The following TMTC2 variants were observed in gnomAD, a reference collection of about 807,000 sequenced individuals.
The protein encoded by TMTC2 is protein O-mannosyl-transferase TMTC2.
In TMTC2, 43 loss-of-function variants were observed where a neutral mutation model predicts 82.4. The observed-to-expected ratio is 0.52, with a 90% CI of 0.41 to 0.67. The LOEUF (loss-of-function observed/expected upper bound fraction) is 0.67. Among genes scored for constraint, TMTC2 ranks in the 30% least tolerant of loss-of-function variants. TMTC2 has a pLI of 0.00. For missense variants in TMTC2, 919 were observed against 1,012.4 expected (o/e 0.91, Z 1.25); for synonymous variants, 408 against 381.9 (o/e 1.07, Z -0.80).
intron 11 of TMTC2, among the ~76,000 whole-genome samples, chr12:83,118,946 C>T (rs1057017739): frequency 1.3e-5 from 2 of 152,016 alleles, no homozygotes; most frequent in East Asian, 1.9e-4. Context: ...TGTACATAAA[C>T]GTGTTCATAG....
At chr12:83,025,903 A>C (rs1272633603) in intron 8 of TMTC2, among the ~76,000 whole-genome samples, 1 of 152,324 alleles carries the variant, frequency 6.6e-6, no homozygotes. Context: ...CAGCATAGGA[A>C]CTTCTGCCCT....
chr12:82,747,104 A>G (rs921964614), intron 1 of TMTC2, among the ~76,000 whole-genome samples: 14 of 152,204 alleles, frequency 9.2e-5, no homozygotes, highest in Non-Finnish European at 4.4e-5. Flanking sequence ...ACTGTGAGCC[A>G]GTGAGTTTGT....
chr12:82,874,088 G>A (rs1376897549), intron 2 of TMTC2, among the ~76,000 whole-genome samples: 6 of 152,146 alleles, frequency 3.9e-5, no homozygotes, highest in East Asian at 1.9e-4. Context: ...GCACCTTTGC[G>A]TCCAGCTGGT....
intron 1 of TMTC2, among the ~76,000 whole-genome samples, chr12:82,781,372 G>T (rs1877894927): frequency 6.8e-6 from 1 of 146,336 alleles, no homozygotes; most frequent in Admixed American, 6.8e-5. Flanking sequence ...TGTCACGTTT[G>T]AATAGAGTAT....
chr12:83,104,216 G>T (rs1054440486), intron 11 of TMTC2, among the ~76,000 whole-genome samples: 4 of 152,206 alleles, frequency 2.6e-5, no homozygotes, highest in Non-Finnish European at 5.9e-5. Flanking sequence ...GGCCCAGAGT[G>T]CAATCTCCTG....
intron 3 of TMTC2, among the ~76,000 whole-genome samples, chr12:82,926,919 A>G (rs1010821712): frequency 6.6e-6 from 1 of 152,234 alleles, no homozygotes; most frequent in African/African-American, 2.4e-5. Flanking sequence ...AATTGTTTTC[A>G]AAAGATTATC....
At chr12:82,993,193 C>G (rs888713057) in intron 8 of TMTC2, among the ~76,000 whole-genome samples, 16 of 152,094 alleles carry the variant, frequency 1.1e-4, no homozygotes, top group African/African-American at 3.9e-4. Context: ...CCATATTGCC[C>G]AGGCTGGTCT....
At chr12:82,809,151 CAA>C (rs958668132) in intron 1 of TMTC2, among the ~76,000 whole-genome samples, 3 of 151,128 alleles carry the variant, frequency 2.0e-5, no homozygotes, top group African/African-American at 7.3e-5. Flanking sequence ...GGTAAAGAAA[CAA>C]AGGATATTAC....
At chr12:82,960,165 A>AG (rs1223569448) in intron 4 of TMTC2, among the ~76,000 whole-genome samples, 1 of 152,038 alleles carries the variant, frequency 6.6e-6, no homozygotes, top group African/African-American at 2.4e-5. Flanking sequence ...AGTCAAAAAA[A>AG]CAATAGGTGC....
chr12:83,009,287 A>G (rs1476233016), intron 8 of TMTC2, among the ~76,000 whole-genome samples: 1 of 152,078 alleles, frequency 6.6e-6, no homozygotes, highest in African/African-American at 2.4e-5. Flanking sequence ...GTTCTTCACT[A>G]TGAAAACTTA....
chr12:83,132,261 C>A lies in TMTC2; in HGVS notation c.2383C>A (p.Leu795Ile). The A allele has an allele frequency of 6.2e-7, 1 of 1,613,908 alleles. No individual in the cohort carries two copies. Among genetic ancestry groups the A allele is most frequent in the Non-Finnish European group, 8.5e-7 (1 of 1,179,922 alleles). The change falls in exon 12 of 12, where the codon CTC (leucine) becomes ATC (isoleucine). Residue 795 changes from leucine (L) to isoleucine (I), a missense_variant. Physicochemically the swap from Leu to Ile is conservative, Grantham distance 5. Transcript: ENST00000321196. ...AGCCATTCTGCACCTCAATGGCAGA[C>A]TCCAGAAGGCCGAGGCCAACTACCT... is the stretch of plus-strand genomic sequence containing the variant. ...LGAILHLNGR[L>I]QKAEANYLRA...
At chr12:82,789,038 A>G (rs1474458988) in intron 1 of TMTC2, among the ~76,000 whole-genome samples, 2 of 152,134 alleles carry the variant, frequency 1.3e-5, no homozygotes, top group Admixed American at 1.3e-4. Flanking sequence ...CCTGTTACCT[A>G]CTTCTGTCTG....
At chr12:82,728,203 C>T (rs897903083) in intron 1 of TMTC2, among the ~76,000 whole-genome samples, 5 of 151,808 alleles carry the variant, frequency 3.3e-5, no homozygotes, top group African/African-American at 1.2e-4. Flanking sequence ...CTCTGCTGGC[C>T]CTCTGCTTGT....
intron 10 of TMTC2, among the ~76,000 whole-genome samples, chr12:83,061,303 C>T (rs1413760328): frequency 1.3e-5 from 2 of 151,638 alleles, no homozygotes; most frequent in Non-Finnish European, 2.9e-5. Context: ...TGGAAAGTTC[C>T]CTCCATACTG....
At chr12:83,074,746 G>C (rs1592730648) in intron 11 of TMTC2, among the ~76,000 whole-genome samples, 1 of 152,190 alleles carries the variant, frequency 6.6e-6, no homozygotes, top group South Asian at 2.1e-4. Flanking sequence ...TCTGTTTCCA[G>C]GTGGAGGGCG....
chr12:82,961,301 T>A (rs1227458817), intron 4 of TMTC2, among the ~76,000 whole-genome samples: 1 of 151,588 alleles, frequency 6.6e-6, no homozygotes, highest in African/African-American at 2.4e-5. Context: ...GTTTTCTCAA[T>A]CTAGAAAATA....
In TMTC2 at chr12:82,813,505, C is replaced by T. The variant is rs181617947; in HGVS notation, c.84-43505C>T. Among the ~76,000 whole-genome samples the T allele has an allele frequency of 2.0e-5, 3 of 152,110 alleles. No individual in the cohort carries two copies. The East Asian group carries it at 5.8e-4, about 29-fold the overall frequency. Reference sequence around the variant, plus strand: ...TCTTTCTAAACCCTTAACCATTCTGCTTATTCTCTGCTTGACACATGCTAT... The same window carrying T: ...TCTTTCTAAACCCTTAACCATTCTGTTTATTCTCTGCTTGACACATGCTAT... On this transcript the variant is annotated intron_variant, in intron 1 of 11. Coordinates refer to ENST00000321196, the MANE Select transcript of TMTC2 (RefSeq NM_152588.3).
At chr12:82,698,170 T>G (rs1269451459) in intron 1 of TMTC2, among the ~76,000 whole-genome samples, 2 of 152,172 alleles carry the variant, frequency 1.3e-5, no homozygotes, top group Non-Finnish European at 2.9e-5. Flanking sequence ...AATAAAAACC[T>G]TTTTAAGGAA....
intron 2 of TMTC2, among the ~76,000 whole-genome samples, chr12:82,876,115 G>GGGGTGA (rs1872540594): frequency 6.8e-6 from 1 of 146,718 alleles, no homozygotes; most frequent in Non-Finnish European, 1.5e-5. Flanking sequence ...GGTGGTGGTG[G>GGGGTGA]TGGTGGTATT....
Sources: gnomAD v4.1 joint callset for allele counts (sites outside exome capture counted in the v4.1 genomes callset) on GRCh38, gnomAD v4.1.1 for gene constraint, MANE v1.5 for transcripts, NCBI Gene and HGNC (gene_info 2026-07-23, HGNC 2026-07-21) for gene names.